PALLD: variants seen among roughly 807,000 people sequenced by gnomAD.
PALLD encodes the protein palladin, cytoskeletal associated protein.
PALLD carries 61 observed loss-of-function variants against 123.5 expected under a neutral mutation model. That is an observed-to-expected ratio of 0.49 (90% confidence interval 0.40 to 0.61). The LOEUF is 0.61. Among genes scored for constraint, PALLD ranks in the 20% least tolerant of loss-of-function variants. PALLD has a pLI of 0.00. For missense variants in PALLD, 1,273 were observed against 1,377.0 expected (o/e 0.92, Z 1.20); for synonymous variants, 465 against 496.4 (o/e 0.94, Z 0.84).
chr4:168,882,046 G>A (rs1259710825), intron 10 of PALLD, among the ~76,000 whole-genome samples: 1 of 152,222 alleles, frequency 6.6e-6, no homozygotes, highest in Non-Finnish European at 1.5e-5. Context: ...GTGCCACAAT[G>A]TTGTATGCTC....
chr4:168,629,729 A>G (rs932386893), intron 2 of PALLD, among the ~76,000 whole-genome samples: 3 of 152,162 alleles, frequency 2.0e-5, no homozygotes, highest in African/African-American at 7.2e-5. Context: ...ACGTTGGGAT[A>G]GTTCTCATTT....
intron 10 of PALLD, among the ~76,000 whole-genome samples, chr4:168,754,524 A>G (rs1731505887): frequency 6.6e-6 from 1 of 152,228 alleles, no homozygotes; most frequent in African/African-American, 2.4e-5. Context: ...AAATACTGTT[A>G]CATTATGCTG....
chr4:168,902,819 T>C lies in PALLD; in HGVS notation c.2473-938T>C, dbSNP rs575722374. On this transcript the variant is annotated intron_variant, in intron 14 of 21. Transcript: ENST00000505667. ...GAGACAGGGCCTCAGTCACCTAGGC[T>C]GGAGTGCAATGGCATGATCATGGCT... 5.9e-5 allele frequency among the ~76,000 whole-genome samples: 9 copies of C among 152,206 alleles called. No homozygotes were observed. In the East Asian group the frequency reaches 1.2e-3, roughly 19 times the overall value.
At position 168,924,437 on chromosome 4, in the gene PALLD, A is replaced by T; in HGVS notation, c.3224+17A>T. 2.5e-6 allele frequency: 4 copies of T among 1,608,294 alleles called. No individual in the cohort carries two copies. Among genetic ancestry groups the T allele is most frequent in the Non-Finnish European group, 3.4e-6 (4 of 1,174,742 alleles). On this transcript the variant is annotated intron_variant, in intron 19 of 21. Transcript: ENST00000505667. ...CCGAGTGAGGTAAGACTGCACAATG[A>T]GAACCTGATCCTTAACTGTTCAGTC...
intron 3 of PALLD, among the ~76,000 whole-genome samples, chr4:168,678,867 GGTGTGGCGTGTGT>G (rs1349352642): frequency 1.4e-5 from 2 of 148,144 alleles, no homozygotes; most frequent in Non-Finnish European, 3.0e-5. Context: ...GTGTCGTGTG[GGTGTGGCGTGTGT>G]GTGGTGGTGT....
At chr4:168,772,771 T>C (rs573322291) in intron 10 of PALLD, among the ~76,000 whole-genome samples, 1 of 151,948 alleles carries the variant, frequency 6.6e-6, no homozygotes, top group South Asian at 2.1e-4. Flanking sequence ...TCAATAAATA[T>C]ACTGAATGAA....
At chr4:168,717,830 T>G (rs1262051465) in intron 10 of PALLD, among the ~76,000 whole-genome samples, 3 of 152,214 alleles carry the variant, frequency 2.0e-5, no homozygotes, top group Non-Finnish European at 4.4e-5. Context: ...TTTGTCCAAG[T>G]TACTTAATTT....
chr4:168,588,221 T>TA (rs1390077207), intron 2 of PALLD, among the ~76,000 whole-genome samples: 2 of 152,056 alleles, frequency 1.3e-5, no homozygotes, highest in African/African-American at 2.4e-5. Context: ...GATGGATTTG[T>TA]AAAAAATTCC....
chr4:168,913,981 C>G lies in PALLD; in HGVS notation c.2677C>G (p.Arg893Gly), dbSNP rs947238696. 1.2e-6 allele frequency: 2 copies of G among 1,612,904 alleles called. No individual in the cohort carries two copies. Among genetic ancestry groups the G allele is most frequent in the South Asian group, 1.1e-5 (1 of 91,046 alleles). The part of the protein sequence containing the change: ...LMVQAVNQRG[R>G]SPRSPSGHPH... The stretch of plus-strand genomic sequence containing the variant: ...GGTACAGGCTGTCAACCAAAGAGGT[C>G]GAAGTCCCCGGTCTCCCTCAGGCCA... Residue 893 changes from arginine to glycine, a missense_variant, in exon 16 of 22, where the codon CGA becomes GGA. Physicochemically the swap from Arg to Gly is moderately radical, Grantham distance 125 (BLOSUM62 -2). This residue lies in a region of PALLD where 329 missense variants were observed against 422.5 expected (regional missense o/e 0.78). Transcript: ENST00000505667.
intron 13 of PALLD, 108 bp from the exon 14 acceptor site, chr4:168,898,385 T>C (rs1018855006): frequency 9.3e-6 from 7 of 754,372 alleles, no homozygotes; most frequent in Non-Finnish European, 1.7e-5. Flanking sequence ...TTTTAAGCTG[T>C]ATGGTAAAAA....
chr4:168,875,573 G>T (rs1466430264), intron 10 of PALLD, among the ~76,000 whole-genome samples: 1 of 152,144 alleles, frequency 6.6e-6, no homozygotes, highest in African/African-American at 2.4e-5. Flanking sequence ...CTTAAAAATG[G>T]TGAAGTCAAA....
At chr4:168,769,979 G>A (rs573474862) in intron 10 of PALLD, among the ~76,000 whole-genome samples, 114 of 152,256 alleles carry the variant, frequency 7.5e-4, no homozygotes, top group Non-Finnish European at 1.4e-3. Flanking sequence ...TCCATACCAA[G>A]CACAGGCAGA....
intron 10 of PALLD, among the ~76,000 whole-genome samples, chr4:168,889,122 GTT>G (rs1278487618): frequency 9.2e-6 from 1 of 109,264 alleles, no homozygotes; most frequent in Non-Finnish European, 2.1e-5. Context: ...GTAAAGTTTT[GTT>G]TGTTTGCTTT....
chr4:168,539,473 A>C (rs1419802550), intron 2 of PALLD, among the ~76,000 whole-genome samples: 4 of 152,098 alleles, frequency 2.6e-5, no homozygotes, highest in African/African-American at 7.2e-5. Context: ...CTGTAATCCC[A>C]GCTACTCAGG....
rs147566344 is a variant in PALLD, at chr4:168,563,629, A to G, written c.908+51217A>G. 2.6e-3 allele frequency among the ~76,000 whole-genome samples: 401 copies of G among 152,320 alleles called. 4 individuals carry two copies. Among genetic ancestry groups the G allele is most frequent in the African/African-American group, 8.0e-3 (334 of 41,574 alleles). On this transcript the variant is annotated intron_variant, in intron 2 of 21. Transcript: ENST00000505667. Reference sequence around the variant, plus strand: ...ACATTTTAGCAAGGTCAAACTGTTCATTATCAGTTAAAGTCATATGAAAAA... The same window carrying G: ...ACATTTTAGCAAGGTCAAACTGTTCGTTATCAGTTAAAGTCATATGAAAAA...
chr4:168,845,179 C>CA (rs1240241616), intron 10 of PALLD, among the ~76,000 whole-genome samples: 1 of 152,104 alleles, frequency 6.6e-6, no homozygotes, highest in African/African-American at 2.4e-5. Flanking sequence ...TTTCCACACC[C>CA]AAAGTGCCAT....
chr4:168,705,927 G>A (rs574311065), intron 8 of PALLD, among the ~76,000 whole-genome samples: 1 of 152,350 alleles, frequency 6.6e-6, no homozygotes, highest in Admixed American at 6.5e-5. Context: ...ACAGGCATGA[G>A]CCACTGCGCC....
intron 15 of PALLD, among the ~76,000 whole-genome samples, chr4:168,906,834 A>G (rs74779044): frequency 0.022 from 3,423 of 152,230 alleles, 128 homozygotes; most frequent in African/African-American, 0.075. Flanking sequence ...CCCAAAGCCC[A>G]ATATATAATG....
chr4:168,901,784 G>C (rs1756580402), intron 14 of PALLD, among the ~76,000 whole-genome samples: 1 of 152,138 alleles, frequency 6.6e-6, no homozygotes, highest in South Asian at 2.1e-4. Flanking sequence ...CTTGAACCCG[G>C]GAGGCAGAAA....
Sources: allele counts gnomAD v4.1 joint callset (sites outside exome capture counted in the v4.1 genomes callset), GRCh38; gene constraint gnomAD v4.1.1; regional missense constraint gnomAD v4.1.1; transcripts MANE v1.5; gene names NCBI Gene and HGNC (gene_info 2026-07-23, HGNC 2026-07-21).